PCSK5: variants seen among roughly 807,000 people sequenced by gnomAD.
The protein encoded by PCSK5 is proprotein convertase subtilisin/kexin type 5.
In PCSK5, 129 loss-of-function variants were observed where a neutral mutation model predicts 233.2. That is an observed-to-expected ratio of 0.55 (90% CI 0.48 to 0.64). The LOEUF is 0.64. PCSK5 is among the 30% of genes least tolerant of loss of function. The pLI is 0.00. For missense variants in PCSK5, 2,076 were observed against 2,430.1 expected (o/e 0.85, Z 3.06); for synonymous variants, 825 against 879.2 (o/e 0.94, Z 1.09).
chr9:76,251,327 G>C (rs1826795624), intron 24 of PCSK5, among the ~76,000 whole-genome samples: 1 of 151,962 alleles, frequency 6.6e-6, no homozygotes, highest in African/African-American at 2.4e-5. Flanking sequence ...ACTTTGGGAG[G>C]CCAAGGCGGG....
chr9:75,894,267 C>G (rs1246237452), intron 1 of PCSK5, among the ~76,000 whole-genome samples: 2 of 152,038 alleles, frequency 1.3e-5, no homozygotes, highest in Non-Finnish European at 2.9e-5. Flanking sequence ...TAGTTTTGAC[C>G]ATTTGCTCAG....
chr9:76,096,190 T>TAC (rs3074177), intron 8 of PCSK5, 88 bp downstream of exon 8: 116,608 of 584,452 alleles, frequency 0.2, 4,948 homozygotes, highest in African/African-American at 0.21. Context: ...TATATATATA[T>TAC]ACACACACAC....
At chr9:75,908,771 G>T (rs1822526236) in intron 1 of PCSK5, among the ~76,000 whole-genome samples, 1 of 151,966 alleles carries the variant, frequency 6.6e-6, no homozygotes. Context: ...ATTGAACCTT[G>T]TATGCTTCTT....
At chr9:75,927,791 G>A (rs1823564325) in intron 1 of PCSK5, among the ~76,000 whole-genome samples, 1 of 152,146 alleles carries the variant, frequency 6.6e-6, no homozygotes, top group Non-Finnish European at 1.5e-5. Context: ...AGAAAAAAAA[G>A]TAAACCAAAA....
At chr9:76,266,054 C>T (rs1827323531) in intron 24 of PCSK5, among the ~76,000 whole-genome samples, 1 of 152,128 alleles carries the variant, frequency 6.6e-6, no homozygotes, top group Admixed American at 6.5e-5. Flanking sequence ...AAGACTTTCA[C>T]AATGTAGAGC....
chr9:75,915,237 T>C (rs907048767), intron 1 of PCSK5, among the ~76,000 whole-genome samples: 1 of 152,218 alleles, frequency 6.6e-6, no homozygotes, highest in Non-Finnish European at 1.5e-5. Flanking sequence ...TTTCCTTGGC[T>C]GATCCTGACT....
At chr9:76,235,514 A>G (rs1215643200) in intron 22 of PCSK5, among the ~76,000 whole-genome samples, 1 of 152,134 alleles carries the variant, frequency 6.6e-6, no homozygotes, top group African/African-American at 2.4e-5. Flanking sequence ...TGTTTAATCC[A>G]TTATCTTAAA....
intron 24 of PCSK5, chr9:76,287,195 C>A: frequency 4.7e-6 from 1 of 213,498 alleles, no homozygotes; most frequent in South Asian, 8.7e-5. Flanking sequence ...GCAAGGGAAT[C>A]ATGTGGACCT....
Position 75,891,023 on chromosome 9 carries a change from C to A in PCSK5, c.-159C>A, listed in dbSNP as rs987739141. On this transcript the variant is annotated 5_prime_UTR_variant, in exon 1 of 38. Transcript: ENST00000674117. ...CCGGCGTAAGGCTCGCTGCTCTGCT[C>A]CCTGCCGGGGCTAGCCGCCTCCTGC... 1.3e-5 allele frequency: 7 copies of A among 522,086 alleles called. No individual in the cohort carries two copies. Among genetic ancestry groups the A allele is most frequent in the Non-Finnish European group, 2.2e-5 (7 of 322,390 alleles). 32.3% of individuals were successfully genotyped at this position (522,086 alleles called of 1,614,324 possible).
intron 11 of PCSK5, 107 bp from the exon 12 acceptor site, chr9:76,158,876 C>T (rs1822721276): frequency 1.2e-5 from 11 of 900,660 alleles, no homozygotes; most frequent in Middle Eastern, 2.2e-4. Context: ...TAGTATCCAG[C>T]TATCAGCTGC....
rs368857838 is a variant in PCSK5, at chr9:76,211,016, GTAA to G, written c.2627-16486_2627-16484del. 2.6e-3 allele frequency among the ~76,000 whole-genome samples: 397 copies of G among 152,290 alleles called. 1 individual carries two copies. The highest frequency in any genetic ancestry group is 8.9e-3 in the African/African-American group (372 of 41,568). Reference sequence around the variant, plus strand: ...GGGGTATCAGTGCTGGGCTAAAGTGGTAAGGCTTGTTGAACATGGTAATTTGGA... The same window carrying G: ...GGGGTATCAGTGCTGGGCTAAAGTGGGGCTTGTTGAACATGGTAATTTGGA... On this transcript the variant is annotated intron_variant, in intron 20 of 37. Coordinates refer to ENST00000674117, the MANE Select transcript of PCSK5 (RefSeq NM_001372043.1).
intron 5 of PCSK5, among the ~76,000 whole-genome samples, chr9:76,064,995 A>C (rs1830231427): frequency 6.6e-6 from 1 of 152,214 alleles, no homozygotes; most frequent in African/African-American, 2.4e-5. Context: ...CCAGGATTTC[A>C]TTCTGTTTTA....
chr9:76,180,632 C>T (rs1823821821), intron 15 of PCSK5, among the ~76,000 whole-genome samples: 1 of 152,120 alleles, frequency 6.6e-6, no homozygotes. Flanking sequence ...CTCCCTCCTC[C>T]TTCAGGCGAA....
chr9:76,247,005 T>C (rs577010841), intron 24 of PCSK5, among the ~76,000 whole-genome samples: 9 of 152,198 alleles, frequency 5.9e-5, no homozygotes, highest in Non-Finnish European at 1.2e-4. Context: ...AGGTGAGTGT[T>C]ATAGCTCTAT....
chr9:76,030,152 CAA>C (rs200529520), intron 5 of PCSK5, among the ~76,000 whole-genome samples: 16 of 141,232 alleles, frequency 1.1e-4, no homozygotes, highest in South Asian at 6.6e-4. Context: ...ATACTTTAAG[CAA>C]AAAAAAAAAA....
chr9:76,131,154 T>C (rs1822749582), intron 9 of PCSK5, among the ~76,000 whole-genome samples: 2 of 152,146 alleles, frequency 1.3e-5, no homozygotes, highest in African/African-American at 2.4e-5. Context: ...AGATCTCTCA[T>C]AGTTTGACTT....
At chr9:76,006,847 T>G (rs1827499122) in intron 3 of PCSK5, among the ~76,000 whole-genome samples, 1 of 152,310 alleles carries the variant, frequency 6.6e-6, no homozygotes, top group East Asian at 1.9e-4. Context: ...TCACTGATAG[T>G]TTTTTCCCCT....
At chr9:76,122,684 C>T (rs1033728862) in intron 9 of PCSK5, among the ~76,000 whole-genome samples, 11 of 151,954 alleles carry the variant, frequency 7.2e-5, no homozygotes, top group Non-Finnish European at 1.5e-4. Context: ...AAAAAAATGA[C>T]TCTTTGTAGG....
chr9:76,351,754 T>C (rs1830173876), intron 36 of PCSK5, among the ~76,000 whole-genome samples: 1 of 150,102 alleles, frequency 6.7e-6, no homozygotes, highest in African/African-American at 2.5e-5. Context: ...TTTTTTTTCT[T>C]TGAGACAGGG....
Sources: allele counts gnomAD v4.1 joint callset (sites outside exome capture counted in the v4.1 genomes callset), GRCh38; gene constraint gnomAD v4.1.1; transcripts MANE v1.5; gene names NCBI Gene and HGNC (gene_info 2026-07-23, HGNC 2026-07-21).